RAB31: variants seen among roughly 807,000 people sequenced by gnomAD.
RAB31 encodes ras-related protein Rab-31.
Under a neutral mutation model 25.6 loss-of-function variants are expected in RAB31, and 21 were observed. The ratio of observed to expected loss-of-function variants is 0.82; its 90% confidence interval spans 0.58 to 1.18. RAB31 has a LOEUF of 1.18. Ranked by LOEUF, RAB31 falls within the 50% of genes most tolerant of loss-of-function variation. The pLI, the probability that RAB31 is intolerant of heterozygous loss-of-function variation, is 0.00. For missense variants in RAB31, 196 were observed against 250.1 expected (o/e 0.78, Z 1.46); for synonymous variants, 87 against 84.0 (o/e 1.04, Z -0.20).
At position 9,807,355 on chromosome 18, in the gene RAB31, C is replaced by T. The variant is rs1486736649; in HGVS notation, c.202-6665C>T. Among the ~76,000 whole-genome samples the T allele has an allele frequency of 3.9e-5, 6 of 152,276 alleles. No homozygotes were observed. In the South Asian group the frequency reaches 8.3e-4, roughly 21 times the overall value. ...CTAAGGATGGGAGAGACCAAACCAG[C>T]CTGGGCAGAGCGGAGAGAGGGCAAG... On this transcript the variant is annotated intron_variant, in intron 3 of 6. Coordinates refer to ENST00000578921, the MANE Select transcript of RAB31 (RefSeq NM_006868.4).
intron 3 of RAB31, among the ~76,000 whole-genome samples, chr18:9,806,931 G>A (rs1164048811): frequency 6.6e-6 from 1 of 152,216 alleles, no homozygotes; most frequent in Non-Finnish European, 1.5e-5. Flanking sequence ...AATACATTCT[G>A]TGGTCAGTGT....
chr18:9,830,648 A>C (rs184592444), intron 5 of RAB31: 1 of 152,272 alleles, frequency 6.6e-6, no homozygotes, highest in Admixed American at 6.5e-5. Context: ...TTTCATCATC[A>C]GAAGTCCTTA....
Position 9,708,362 on chromosome 18 carries a change from C to G in RAB31, c.-44C>G. ...CCGGCGGGGCGCGGGCGCGGCGGCC[C>G]CGGAGGATGCTGCTGAGCCCCGGCA... is the stretch of plus-strand genomic sequence containing the variant. On this transcript the variant is annotated 5_prime_UTR_variant, in exon 1 of 7. Transcript: ENST00000578921. This position sits in a 1 kb window ranked among gnomAD's most constrained non-coding sequence, Gnocchi z 6.4. The G allele has an allele frequency of 6.8e-7, 1 of 1,478,222 alleles. No homozygotes were observed. The allele number at this position is 1,478,222 out of a possible 1,614,324, so 91.6% of individuals were successfully genotyped here. A position where few individuals can be genotyped will look rare whatever the true frequency, so the allele number is the denominator to read the frequency against.
intron 6 of RAB31, among the ~76,000 whole-genome samples, chr18:9,857,907 A>G (rs1216641841): frequency 2.6e-5 from 4 of 151,910 alleles, no homozygotes; most frequent in African/African-American, 4.8e-5. Context: ...GCGCACACCT[A>G]TAGTCCCAGC....
intron 1 of RAB31, among the ~76,000 whole-genome samples, chr18:9,711,755 TTC>T (rs1461780289): frequency 6.6e-6 from 1 of 152,216 alleles, no homozygotes; most frequent in African/African-American, 2.4e-5. Flanking sequence ...CAGCCACACC[TTC>T]TTTCTGCCTG....
intron 3 of RAB31, among the ~76,000 whole-genome samples, chr18:9,805,298 A>T (rs1350946506): frequency 7.1e-6 from 1 of 141,160 alleles, no homozygotes. Context: ...AAAAAAAAAG[A>T]AATAAGTATC....
At chr18:9,805,810 G>C (rs948320094) in intron 3 of RAB31, among the ~76,000 whole-genome samples, 3 of 152,266 alleles carry the variant, frequency 2.0e-5, no homozygotes, top group Admixed American at 6.5e-5. Context: ...TTTCAGAGAA[G>C]CAACACAGGA....
chr18:9,859,423 A>T lies in RAB31; in HGVS notation c.*98A>T. The T allele has an allele frequency of 9.8e-7, 1 of 1,022,010 alleles. No individual in the cohort carries two copies. Among genetic ancestry groups the T allele is most frequent in the Non-Finnish European group, 1.5e-6 (1 of 683,562 alleles). 63.3% of individuals were successfully genotyped at this position (1,022,010 alleles called of 1,614,324 possible). ...CTCGGTGGCCTGGCACCTCACTTTG[A>T]GAAGAGTGAGCACACTGGCTTTGCA... is the stretch of plus-strand genomic sequence containing the variant. On this transcript the variant is annotated 3_prime_UTR_variant, in exon 7 of 7. Transcript: ENST00000578921.
intron 5 of RAB31, among the ~76,000 whole-genome samples, chr18:9,840,409 C>T (rs562816751): frequency 1.3e-5 from 2 of 152,142 alleles, no homozygotes; most frequent in South Asian, 2.1e-4. Context: ...CACGGGATGC[C>T]GTACCCTCCC....
intron 5 of RAB31, among the ~76,000 whole-genome samples, chr18:9,843,336 A>G (rs759207372): frequency 2.6e-5 from 4 of 152,104 alleles, no homozygotes; most frequent in Non-Finnish European, 5.9e-5. Flanking sequence ...CTTGAGGCCA[A>G]GAGTTCAAGA....
At chr18:9,778,697 C>T (rs2068386520) in intron 2 of RAB31, among the ~76,000 whole-genome samples, 1 of 152,134 alleles carries the variant, frequency 6.6e-6, no homozygotes. Context: ...TCTTGAACTC[C>T]TGACCTCAGG....
At chr18:9,745,481 T>C (rs985882655) in intron 1 of RAB31, among the ~76,000 whole-genome samples, 1 of 152,134 alleles carries the variant, frequency 6.6e-6, no homozygotes, top group Non-Finnish European at 1.5e-5. Context: ...GACAAAGATA[T>C]TACAAGAACA....
intron 5 of RAB31, among the ~76,000 whole-genome samples, chr18:9,830,973 A>AC (rs2068675259): frequency 6.6e-6 from 1 of 152,212 alleles, no homozygotes; most frequent in Non-Finnish European, 1.5e-5. Context: ...CTGCAGTATT[A>AC]GCTGTCATAC....
chr18:9,857,190 C>T (rs1013831491), intron 6 of RAB31, among the ~76,000 whole-genome samples: 1 of 152,112 alleles, frequency 6.6e-6, no homozygotes, highest in Admixed American at 6.5e-5. Context: ...AAGATCTCTA[C>T]TATTACTTTT....
chr18:9,734,891 C>A, intron 1 of RAB31: 1 of 290,312 alleles, frequency 3.4e-6, no homozygotes. Context: ...AGAATTGGGC[C>A]TTCATGATGA....
chr18:9,754,027 T>C (rs1042603664), intron 1 of RAB31, among the ~76,000 whole-genome samples: 2 of 152,124 alleles, frequency 1.3e-5, no homozygotes, highest in African/African-American at 2.4e-5. Context: ...TGGGCATAAG[T>C]AGTCCCACCC....
chr18:9,715,526 CTCTT>C (rs1282386073), intron 1 of RAB31, among the ~76,000 whole-genome samples: 37 of 139,328 alleles, frequency 2.7e-4, no homozygotes, highest in African/African-American at 9.7e-4. Flanking sequence ...CTCTCTCTCT[CTCTT>C]TTTTTTTTTT....
At chr18:9,784,501 A>C (rs1409528397) in intron 2 of RAB31, among the ~76,000 whole-genome samples, 1 of 152,124 alleles carries the variant, frequency 6.6e-6, no homozygotes, top group Non-Finnish European at 1.5e-5. Context: ...TATGATCTTC[A>C]GTCATTTTAG....
At chr18:9,730,806 G>A (rs557232922) in intron 1 of RAB31, among the ~76,000 whole-genome samples, 3 of 152,316 alleles carry the variant, frequency 2.0e-5, no homozygotes, top group South Asian at 2.1e-4. Context: ...GTGGCTGGGC[G>A]GCAGGCATTC....
Sources: allele counts gnomAD v4.1 joint callset (sites outside exome capture counted in the v4.1 genomes callset), GRCh38; gene constraint gnomAD v4.1.1; non-coding constraint Gnocchi (gnomAD v3.1); transcripts MANE v1.5; gene names NCBI Gene and HGNC (gene_info 2026-07-23, HGNC 2026-07-21).